The following TCF4 variants were observed in gnomAD, a reference collection of about 807,000 sequenced individuals.
TCF4 encodes the protein SL3-3 enhancer factor 2.
TCF4 carries 3 observed loss-of-function variants against 82.1 expected under a neutral mutation model. The observed-to-expected ratio is 0.04, with a 90% CI of 0.02 to 0.09. TCF4 has a LOEUF of 0.09. Among genes scored for constraint, TCF4 ranks in the 10% least tolerant of loss-of-function variants. TCF4 has a pLI of 1.00. For synonymous variants in TCF4, 276 were observed against 309.6 expected, an observed-to-expected ratio of 0.89 and a Z score of 1.14; for missense variants, 518 against 852.7, an observed-to-expected ratio of 0.61 and a Z score of 4.89.
chr18:55,495,253 T>C (rs2096621975), intron 3 of TCF4, among the ~76,000 whole-genome samples: 2 of 151,816 alleles, frequency 1.3e-5, no homozygotes, highest in African/African-American at 4.8e-5. Flanking sequence ...AAAGTTCCCA[T>C]TTCTGTCACA....
At chr18:55,618,122 T>TA (rs2097714022) in intron 2 of TCF4, among the ~76,000 whole-genome samples, 1 of 152,154 alleles carries the variant, frequency 6.6e-6, no homozygotes, top group Non-Finnish European at 1.5e-5. Context: ...GCAAATTCCT[T>TA]CTATACTTAG....
intron 1 of TCF4, chr18:55,635,649 TTTTGGTTTCAGTTTCTACTAAGA>T (rs2097735641): frequency 6.6e-7 from 1 of 1,511,514 alleles, no homozygotes; most frequent in African/African-American, 1.4e-5. Context: ...GGGAGATCAT[TTTTGGTTTCAGTTTCTACTAAGA>T]TGCTAAAGTA....
chr18:55,308,456 CA>C (rs1302737442), intron 8 of TCF4, among the ~76,000 whole-genome samples: 3 of 152,178 alleles, frequency 2.0e-5, no homozygotes, highest in Non-Finnish European at 2.9e-5. Context: ...TAAAATTTGG[CA>C]GACACCAGCT....
intron 3 of TCF4, among the ~76,000 whole-genome samples, chr18:55,488,800 T>A (rs2096545323): frequency 6.6e-6 from 1 of 152,190 alleles, no homozygotes; most frequent in Admixed American, 6.5e-5. Context: ...TCTTTGTAAT[T>A]CAGAAGTGTA....
chr18:55,627,953 G>A (rs535968135), intron 2 of TCF4, among the ~76,000 whole-genome samples: 13 of 152,058 alleles, frequency 8.5e-5, no homozygotes, highest in Admixed American at 3.3e-4. Flanking sequence ...CCAGCTACTC[G>A]GGAGACTGAG....
chr18:55,551,417 A>T (rs984106317), intron 3 of TCF4: 1 of 152,282 alleles, frequency 6.6e-6, no homozygotes, highest in African/African-American at 2.4e-5. Flanking sequence ...GCCATTTTAC[A>T]GATGAGCAAA....
At position 55,291,006 on chromosome 18, in the gene TCF4, C is replaced by T. The variant is rs143512154; in HGVS notation, c.550-11350G>A. On this transcript the variant is annotated intron_variant, in intron 8 of 19. Transcript: ENST00000354452. ...TTCACATCTTCATAGTATTTTAAATCAAAAGGACTTTTCTCATCCATTATC... is the reference window on the plus strand; with the variant it reads ...TTCACATCTTCATAGTATTTTAAATTAAAAGGACTTTTCTCATCCATTATC... Among the ~76,000 whole-genome samples the T allele has an allele frequency of 3.0e-3, 451 of 152,228 alleles. 3 individuals carry two copies. Among genetic ancestry groups the T allele is most frequent in the African/African-American group, 9.1e-3 (379 of 41,554 alleles).
At chr18:55,325,107 G>A (rs968430309) in intron 8 of TCF4, among the ~76,000 whole-genome samples, 2 of 152,118 alleles carry the variant, frequency 1.3e-5, no homozygotes, top group East Asian at 1.9e-4. Context: ...AAAACTTGCC[G>A]AATGAATGAA....
intron 8 of TCF4, among the ~76,000 whole-genome samples, chr18:55,298,460 G>GA (rs1308052802): frequency 6.6e-6 from 1 of 151,972 alleles, no homozygotes; most frequent in Non-Finnish European, 1.5e-5. Context: ...ATATACTACG[G>GA]TTTTTTTGCT....
At chr18:55,252,288 A>G (rs898179469) in intron 15 of TCF4, among the ~76,000 whole-genome samples, 5 of 152,074 alleles carry the variant, frequency 3.3e-5, no homozygotes, top group African/African-American at 4.8e-5. Context: ...TCCTTGATTG[A>G]ATATTAAATG....
chr18:55,467,971 G>A (rs1568132661), intron 3 of TCF4, among the ~76,000 whole-genome samples: 1 of 152,176 alleles, frequency 6.6e-6, no homozygotes, highest in East Asian at 1.9e-4. Context: ...AAATGGCAGA[G>A]CTTGGACACA....
intron 3 of TCF4, among the ~76,000 whole-genome samples, chr18:55,485,578 T>C (rs1409174843): frequency 6.6e-6 from 1 of 152,204 alleles, no homozygotes; most frequent in African/African-American, 2.4e-5. Context: ...CTGGTCCCTG[T>C]GGCCCTCACA....
At chr18:55,272,501 T>C (rs866711649) in intron 10 of TCF4, among the ~76,000 whole-genome samples, 1 of 152,122 alleles carries the variant, frequency 6.6e-6, no homozygotes, top group African/African-American at 2.4e-5. Context: ...TTTTAACTTA[T>C]GATGCCCAAG....
Position 55,252,866 on chromosome 18 carries a change from G to GA in TCF4, c.1350+1630dup, listed in dbSNP as rs574898545. ...GCAGTATGTTTAAACATTGTAGTTA[G>GA]AAAAAAAAGAGCTGTACAAACGAAA... On this transcript the variant is annotated intron_variant, in intron 15 of 19. Coordinates refer to ENST00000354452, the MANE Select transcript of TCF4 (RefSeq NM_001083962.2). 8.8e-4 allele frequency among the ~76,000 whole-genome samples: 133 copies of GA among 151,770 alleles called. 1 individual carries two copies. The highest frequency in any genetic ancestry group is 6.9e-3 in the South Asian group (33 of 4,804).
intron 3 of TCF4, among the ~76,000 whole-genome samples, chr18:55,542,097 A>G (rs17089888): frequency 0.036 from 5,529 of 152,098 alleles, 282 homozygotes; most frequent in African/African-American, 0.11. Flanking sequence ...GTGAATGTGT[A>G]AAATTAGGTG....
At chr18:55,468,888 C>CT (rs1568136777) in intron 3 of TCF4, among the ~76,000 whole-genome samples, 1 of 125,294 alleles carries the variant, frequency 8.0e-6, no homozygotes, top group Non-Finnish European at 1.8e-5. Flanking sequence ...CTCGCCCCCC[C>CT]CCCCCTTGTT....
upstream of TCF4, chr18:55,588,272 G>A: frequency 2.1e-6 from 3 of 1,439,108 alleles, no homozygotes; most frequent in Non-Finnish European, 2.7e-6. Context: ...AAGGGGGGAG[G>A]GGGAAACACG....
rs191447946 is a variant in TCF4, at chr18:55,536,676, C to T, written c.145+48604G>A. On this transcript the variant is annotated intron_variant, in intron 3 of 19. Transcript: ENST00000354452. ...CACAAGACAGATTTCCAAAGACTGC[C>T]GATAGAAACAATAAATACATTCAAC... Among the ~76,000 whole-genome samples the T allele has an allele frequency of 1.2e-4, 19 of 152,136 alleles. No homozygotes were observed. In the East Asian group the frequency reaches 3.1e-3, roughly 25 times the overall value.
At position 55,225,688 on chromosome 18, in the gene TCF4, C is replaced by T. The variant is rs1252806496; in HGVS notation, c.*2347G>A. On this transcript the variant is annotated 3_prime_UTR_variant, in exon 20 of 20. Transcript: ENST00000354452. ...AGGAGAGAGTATACATTATTGTCTT[C>T]CATGTCCTTCTCTGAGCCTCTTTGT... 3 of 152,516 alleles carry T rather than the reference C, an allele frequency of 2.0e-5. No homozygotes were observed. The highest frequency in any genetic ancestry group is 7.2e-5 in the African/African-American group (3 of 41,460). 9.4% of individuals were successfully genotyped at this position (152,516 alleles called of 1,614,324 possible). A position where few individuals can be genotyped will look rare whatever the true frequency, so the allele number is the denominator to read the frequency against.
Sources: allele counts gnomAD v4.1 joint callset (sites outside exome capture counted in the v4.1 genomes callset), GRCh38; gene constraint gnomAD v4.1.1; transcripts MANE v1.5; gene names NCBI Gene and HGNC (gene_info 2026-07-23, HGNC 2026-07-21).